SDHA: variants seen among roughly 807,000 people sequenced by gnomAD.
SDHA encodes the protein succinate dehydrogenase complex flavoprotein subunit A.
SDHA carries 48 observed loss-of-function variants against 78.4 expected under a neutral mutation model. The observed-to-expected ratio is 0.61, with a 90% CI of 0.49 to 0.78. SDHA has a LOEUF of 0.78. Ranked by LOEUF, SDHA falls within the 30% of genes least tolerant of loss-of-function variation. The pLI is 0.00. For missense variants in SDHA, 680 were observed against 892.7 expected, an observed-to-expected ratio of 0.76 and a Z score of 3.04; for synonymous variants, 326 against 353.9, an observed-to-expected ratio of 0.92 and a Z score of 0.88.
At chr5:245,620 A>G (rs754109271) in intron 11 of SDHA, among the ~76,000 whole-genome samples, 86 of 152,202 alleles carry the variant, frequency 5.7e-4, no homozygotes, top group Non-Finnish European at 4.9e-4. Context: ...GCAAAATTCA[A>G]TTTCTGGTGC....
intron 9 of SDHA, 68 bp from the exon 10 acceptor site, chr5:236,360 G>A (rs1220826826): frequency 1.6e-5 from 25 of 1,515,556 alleles, no homozygotes; most frequent in Admixed American, 6.7e-5. Flanking sequence ...CAGACACCCT[G>A]TTGGGGAAGG....
At chr5:251,312 C>T (rs748394842) in intron 12 of SDHA, 26 bp from the exon 13 acceptor site, 7 of 1,609,400 alleles carry the variant, frequency 4.3e-6, no homozygotes, top group East Asian at 2.2e-5. Flanking sequence ...CCCGCCTGCC[C>T]CTGATGGAAC....
chr5:223,211 G>A lies in SDHA; in HGVS notation c.64-271G>A, dbSNP rs577601768. 5.3e-4 allele frequency among the ~76,000 whole-genome samples: 80 copies of A among 152,298 alleles called. 1 individual carries two copies. The highest frequency in any genetic ancestry group is 1.9e-3 in the African/African-American group (78 of 41,554). On this transcript the variant is annotated intron_variant, in intron 1 of 14. Coordinates refer to ENST00000264932, the MANE Select transcript of SDHA (RefSeq NM_004168.4). ...TGTGCCTTTTTCATTTCGTATCTGA[G>A]TCAGTGAGTATCCTGTTTGGAAACA...
chr5:239,535 T>TG lies in SDHA; in HGVS notation c.1433-820dup, dbSNP rs1736008476. Reference sequence around the variant, plus strand: ...TGGTGCCACTGACTGCACTCCAACCTGGGCTACAGAACAAAATTCCATCTC... The same window carrying TG: ...TGGTGCCACTGACTGCACTCCAACCTGGGGCTACAGAACAAAATTCCATCTC... On this transcript the variant is annotated intron_variant, in intron 10 of 14. Transcript: ENST00000264932. Among the ~76,000 whole-genome samples, 3 of 149,230 alleles carry TG rather than the reference T, an allele frequency of 2.0e-5. No individual in the cohort carries two copies. In the South Asian group the frequency reaches 6.5e-4, roughly 32 times the overall value.
chr5:268,469 G>T, the SDHA span, among the ~76,000 whole-genome samples: 1 of 151,964 alleles, frequency 6.6e-6, no homozygotes, highest in African/African-American at 2.4e-5. Context: ...CCTGGCCAGG[G>T]TGTTTTTTCT....
chr5:264,278 T>C, the SDHA span, among the ~76,000 whole-genome samples: 6 of 152,202 alleles, frequency 3.9e-5, no homozygotes, highest in African/African-American at 1.4e-4. Context: ...GAAAGAATAG[T>C]ATCTGAAATG....
chr5:256,822 TC>T lies in SDHA; in HGVS notation c.*403del, dbSNP rs1435197660. ...TTTTGTATAGTTTCTTTTTTCTTTT[TC>T]TTTTCTTTTTTTTTTTTGAGACAGG... is the stretch of plus-strand genomic sequence containing the variant. On this transcript the variant is annotated 3_prime_UTR_variant, in exon 15 of 15. Transcript: ENST00000264932. The T allele has an allele frequency of 4.8e-5, 12 of 252,008 alleles. No individual in the cohort carries two copies. The highest frequency in any genetic ancestry group is 1.7e-4 in the Admixed American group (3 of 18,082). The allele number at this position is 252,008 out of a possible 1,614,324, so 15.6% of individuals were successfully genotyped here.
intron 1 of SDHA, among the ~76,000 whole-genome samples, chr5:219,605 T>C (rs1336821203): frequency 1.3e-5 from 2 of 152,152 alleles, no homozygotes; most frequent in Non-Finnish European, 2.9e-5. Context: ...ACCGTTCTAG[T>C]GTGTTGCTGT....
At chr5:235,362 C>G in intron 9 of SDHA, 23 bp downstream of exon 9, 11 of 1,613,046 alleles carry the variant, frequency 6.8e-6, no homozygotes, top group Non-Finnish European at 9.3e-6. Flanking sequence ...GCTCCTCCCC[C>G]ACAGCTGGAA....
chr5:268,710 G>A, the SDHA span, among the ~76,000 whole-genome samples: 1 of 152,032 alleles, frequency 6.6e-6, no homozygotes, highest in Non-Finnish European at 1.5e-5. Flanking sequence ...ATATTATAAG[G>A]GTGGATTATA....
intron 1 of SDHA, among the ~76,000 whole-genome samples, chr5:222,319 G>A (rs1361467648): frequency 2.0e-5 from 3 of 150,176 alleles, no homozygotes; most frequent in African/African-American, 7.4e-5. Context: ...TCTTCTGATT[G>A]CATTTATTTC....
chr5:239,402 C>CA (rs1312367459), intron 10 of SDHA, among the ~76,000 whole-genome samples: 1 of 151,680 alleles, frequency 6.6e-6, no homozygotes, highest in East Asian at 2.0e-4. Flanking sequence ...ACTGAAAATA[C>CA]AAAAAATTAG....
chr5:234,849 C>A, intron 8 of SDHA: 1 of 459,750 alleles, frequency 2.2e-6, no homozygotes, highest in Admixed American at 3.4e-5. Flanking sequence ...GCATAGAGGC[C>A]TTTCTAATGC....
At chr5:229,058 C>T (rs532644497) in intron 6 of SDHA, among the ~76,000 whole-genome samples, 1 of 152,254 alleles carries the variant, frequency 6.6e-6, no homozygotes, top group African/African-American at 2.4e-5. Flanking sequence ...ATTAAAACCC[C>T]AATGAGATAT....
At chr5:251,892 T>G in intron 13 of SDHA, 2 of 351,434 alleles carry the variant, frequency 5.7e-6, no homozygotes, top group South Asian at 2.1e-5. Flanking sequence ...GAAATGCCAG[T>G]TTATTAAATA....
chr5:257,797 C>G (rs1419147902), downstream of SDHA, among the ~76,000 whole-genome samples: 1 of 89,518 alleles, frequency 1.1e-5, no homozygotes, highest in Non-Finnish European at 2.1e-5. Context: ...TGAGCTCCAC[C>G]CCCTGCCAGA....
At position 256,901 on chromosome 5, in the gene SDHA, C is replaced by G. The variant is rs554964014; in HGVS notation, c.*481C>G. On this transcript the variant is annotated 3_prime_UTR_variant, in exon 15 of 15. Coordinates refer to ENST00000264932, the MANE Select transcript of SDHA (RefSeq NM_004168.4). ...ACTGCAGCCTCAAACTCCTGGGCAG[C>G]TCAGGTGATCTTCCTGACTCAGCCT... Among the ~76,000 whole-genome samples the G allele has an allele frequency of 6.7e-6, 1 of 150,178 alleles. No individual in the cohort carries two copies. Among genetic ancestry groups the G allele is most frequent in the East Asian group, 1.9e-4 (1 of 5,146 alleles).
intron 13 of SDHA, among the ~76,000 whole-genome samples, chr5:253,654 C>T (rs866536002): frequency 9.2e-5 from 14 of 152,136 alleles, no homozygotes; most frequent in Middle Eastern, 3.4e-3. Flanking sequence ...GGGCTGGTCT[C>T]GAACTCCTGA....
chr5:221,492 A>T (rs186926637), intron 1 of SDHA, among the ~76,000 whole-genome samples: 1 of 152,326 alleles, frequency 6.6e-6, no homozygotes, highest in Non-Finnish European at 1.5e-5. Flanking sequence ...GTTGTATTAG[A>T]TGAGGACCCC....
Sources: allele counts gnomAD v4.1 joint callset (sites outside exome capture counted in the v4.1 genomes callset), GRCh38; gene constraint gnomAD v4.1.1; transcripts MANE v1.5; gene names NCBI Gene and HGNC (gene_info 2026-07-23, HGNC 2026-07-21).